The following UNC5D variants were observed in gnomAD, a reference collection of about 807,000 sequenced individuals.
UNC5D encodes the protein netrin receptor UNC5D.
Under a neutral mutation model 105.4 loss-of-function variants are expected in UNC5D, and 39 were observed. That is an observed-to-expected ratio of 0.37 (90% CI 0.29 to 0.48). The LOEUF is 0.48. Among genes scored for constraint, UNC5D ranks in the 20% least tolerant of loss-of-function variants. The pLI, the probability that UNC5D is intolerant of heterozygous loss-of-function variation, is 0.98. For synonymous variants in UNC5D, 452 were observed against 450.4 expected (o/e 1.00, Z -0.04); for missense variants, 991 against 1,202.4 (o/e 0.82, Z 2.60).
chr8:35,563,753 G>T (rs2130764912), intron 2 of UNC5D, among the ~76,000 whole-genome samples: 1 of 152,132 alleles, frequency 6.6e-6, no homozygotes, highest in African/African-American at 2.4e-5. Flanking sequence ...CTGTAGGTTT[G>T]TCATATATGG....
chr8:35,770,412 A>G (rs1178527491), intron 15 of UNC5D, among the ~76,000 whole-genome samples: 1 of 152,058 alleles, frequency 6.6e-6, no homozygotes, highest in Non-Finnish European at 1.5e-5. Flanking sequence ...GATCTAAGTG[A>G]TTTTTCAAAC....
At position 35,705,949 on chromosome 8, in the gene UNC5D, A is replaced by T; in HGVS notation, c.1105A>T (p.Ile369Leu). 1 of 1,315,580 alleles carries T rather than the reference A, an allele frequency of 7.6e-7. No individual in the cohort carries two copies. The allele number at this position is 1,315,580 out of a possible 1,614,324, so 81.5% of individuals were successfully genotyped here. A position where few individuals can be genotyped will look rare whatever the true frequency, so the allele number is the denominator to read the frequency against. ...TTTAGATAAAAAACCTCTTCATGAA[A>T]TAAAACCCCAAAGTAAGTTATTTTT... ...CILDKKPLHEIKPQSIENASD... is the reference protein window; with the variant it reads ...CILDKKPLHELKPQSIENASD... Residue 369 changes from isoleucine to leucine, a missense_variant, in exon 8 of 17, where the codon ATA (isoleucine) becomes TTA (leucine). Around this residue, in one of 3 missense-constraint regions of UNC5D, gnomAD observed 944 missense variants for 1,131.6 expected, o/e 0.83. Coordinates refer to ENST00000404895, the MANE Select transcript of UNC5D (RefSeq NM_080872.4).
At position 35,722,273 on chromosome 8, in the gene UNC5D, C is replaced by T. The variant is rs764233774; in HGVS notation, c.1181C>T (p.Ala394Val). Residue 394 changes from alanine (A) to valine (V), a missense_variant, in exon 9 of 17, where the codon GCA (alanine) becomes GTA (valine). Ala to Val is a moderately conservative substitution (Grantham distance 64, BLOSUM62 0). This residue lies in a region of UNC5D where 944 missense variants were observed against 1,131.6 expected (regional missense o/e 0.83). Transcript: ENST00000404895. Reference sequence around the variant, plus strand: ...TTGGGTGCTGCCGTCGTGGCCGTTGCAGTCCTGGTCATTGGTGTCACCCTT... The same window carrying T: ...TTGGGTGCTGCCGTCGTGGCCGTTGTAGTCCTGGTCATTGGTGTCACCCTT... Reference protein sequence around the residue: ...SGLGAAVVAVAVLVIGVTLYR... With the variant: ...SGLGAAVVAVVVLVIGVTLYR... 1.2e-6 allele frequency: 2 copies of T among 1,614,190 alleles called. No homozygotes were observed. The highest frequency in any genetic ancestry group is 1.7e-6 in the Non-Finnish European group (2 of 1,180,022).
At chr8:35,311,226 G>T (rs1808855367) in intron 1 of UNC5D, among the ~76,000 whole-genome samples, 1 of 152,162 alleles carries the variant, frequency 6.6e-6, no homozygotes, top group Non-Finnish European at 1.5e-5. Flanking sequence ...AATGTGTGCA[G>T]GGAAATGGTG....
In UNC5D at chr8:35,274,497, G is replaced by A. The variant is rs147248089; in HGVS notation, c.103+38610G>A. 3.2e-3 allele frequency among the ~76,000 whole-genome samples: 485 copies of A among 152,326 alleles called. 2 individuals are homozygous for A. The highest frequency in any genetic ancestry group is 0.011 in the African/African-American group (460 of 41,580). On this transcript the variant is annotated intron_variant, in intron 1 of 16. Coordinates refer to ENST00000404895, the MANE Select transcript of UNC5D (RefSeq NM_080872.4). ...GTGTGTGGCCTGTGAGTGTGGTTGT[G>A]AGTGTGCACATGTGTCCAGCCTAGA...
chr8:35,392,189 G>C (rs1283316755), intron 1 of UNC5D, among the ~76,000 whole-genome samples: 1 of 152,132 alleles, frequency 6.6e-6, no homozygotes, highest in East Asian at 1.9e-4. Context: ...GGTTGCCCAT[G>C]TTCCTTGACT....
intron 10 of UNC5D, among the ~76,000 whole-genome samples, chr8:35,728,346 CTG>C (rs1287092047): frequency 1.3e-5 from 2 of 151,966 alleles, no homozygotes; most frequent in African/African-American, 2.4e-5. Context: ...CGTTCATTGG[CTG>C]TGTTTGTCGT....
At chr8:35,725,828 A>G (rs972354461) in intron 9 of UNC5D, among the ~76,000 whole-genome samples, 8 of 152,198 alleles carry the variant, frequency 5.3e-5, no homozygotes, top group African/African-American at 1.7e-4. Flanking sequence ...GCCAGTTGAA[A>G]TAATCACATA....
intron 3 of UNC5D, among the ~76,000 whole-genome samples, chr8:35,574,360 A>C (rs1001485517): frequency 6.6e-6 from 1 of 152,166 alleles, no homozygotes; most frequent in Non-Finnish European, 1.5e-5. Context: ...GCAGAAAACC[A>C]CTATTTTGTT....
At chr8:35,769,692 C>T (rs922741246) in intron 15 of UNC5D, among the ~76,000 whole-genome samples, 5 of 152,078 alleles carry the variant, frequency 3.3e-5, no homozygotes, top group African/African-American at 7.2e-5. Context: ...TGGCTGGGTG[C>T]GGTGGCTGAT....
intron 14 of UNC5D, among the ~76,000 whole-genome samples, chr8:35,763,176 CAA>C (rs150861888): frequency 0.031 from 4,661 of 152,236 alleles, 221 homozygotes; most frequent in African/African-American, 0.11. Flanking sequence ...AGCTGCTACT[CAA>C]GTCAACAATA....
chr8:35,622,951 CAT>C (rs1356841735), intron 4 of UNC5D, among the ~76,000 whole-genome samples: 2 of 152,180 alleles, frequency 1.3e-5, no homozygotes, highest in African/African-American at 2.4e-5. Flanking sequence ...CCGTTGAACT[CAT>C]GTTTTCTCAG....
chr8:35,720,991 C>A (rs2131531220), intron 8 of UNC5D, among the ~76,000 whole-genome samples: 2 of 152,238 alleles, frequency 1.3e-5, no homozygotes, highest in Middle Eastern at 6.8e-3. Context: ...AAAATAAATT[C>A]ACTTTCCTTG....
chr8:35,291,651 A>G (rs1457206357), intron 1 of UNC5D, among the ~76,000 whole-genome samples: 1 of 152,134 alleles, frequency 6.6e-6, no homozygotes, highest in East Asian at 1.9e-4. Context: ...TTATGGTGTC[A>G]TTGGTTTGGG....
intron 1 of UNC5D, among the ~76,000 whole-genome samples, chr8:35,313,414 G>A (rs867841770): frequency 6.6e-6 from 1 of 152,104 alleles, no homozygotes. Context: ...CCATGAAATG[G>A]AATAGAACCA....
chr8:35,493,330 A>T (rs945148844), intron 1 of UNC5D, among the ~76,000 whole-genome samples: 1 of 151,658 alleles, frequency 6.6e-6, no homozygotes, highest in Non-Finnish European at 1.5e-5. Flanking sequence ...AAACAAAAAA[A>T]TTCAACAGTT....
At chr8:35,724,022 G>T in intron 9 of UNC5D, 1 of 764,588 alleles carries the variant, frequency 1.3e-6, no homozygotes, top group East Asian at 3.6e-5. Flanking sequence ...CACAAATGCA[G>T]CGAATAGAGT....
chr8:35,720,833 G>A (rs531771427), intron 8 of UNC5D, among the ~76,000 whole-genome samples: 1 of 143,430 alleles, frequency 7.0e-6, no homozygotes, highest in African/African-American at 2.8e-5. Flanking sequence ...TGACCTTTCA[G>A]ATGCTGTTTT....
At chr8:35,529,540 T>G (rs1814173985) in intron 1 of UNC5D, among the ~76,000 whole-genome samples, 1 of 130,166 alleles carries the variant, frequency 7.7e-6, no homozygotes, top group Non-Finnish European at 1.6e-5. Flanking sequence ...GGGCTCTTTT[T>G]TGGTTCCATA....
Sources: gnomAD v4.1 joint callset for allele counts (sites outside exome capture counted in the v4.1 genomes callset) on GRCh38, gnomAD v4.1.1 for gene constraint, gnomAD v4.1.1 regional missense constraint, MANE v1.5 for transcripts, NCBI Gene and HGNC (gene_info 2026-07-23, HGNC 2026-07-21) for gene names.